KCNMA1: variants seen among roughly 807,000 people sequenced by gnomAD.
KCNMA1 encodes the protein potassium calcium-activated channel subfamily M alpha 1.
Under a neutral mutation model 140.0 loss-of-function variants are expected in KCNMA1, and 29 were observed. The ratio of observed to expected loss-of-function variants is 0.21; its 90% CI spans 0.15 to 0.28. The LOEUF (loss-of-function observed/expected upper bound fraction) is 0.28. Ranked by LOEUF, KCNMA1 falls within the 10% of genes least tolerant of loss-of-function variation. KCNMA1 has a pLI of 1.00. For synonymous variants in KCNMA1, 612 were observed against 611.9 expected, an observed-to-expected ratio of 1.00 and a Z score of 0.00; for missense variants, 880 against 1,602.2, an observed-to-expected ratio of 0.55 and a Z score of 7.70.
chr10:77,294,520 T>C (rs2074328387), intron 2 of KCNMA1, among the ~76,000 whole-genome samples: 1 of 152,216 alleles, frequency 6.6e-6, no homozygotes. Context: ...AAAAATGCCA[T>C]TCATAGGAGT....
At position 77,557,821 on chromosome 10, in the gene KCNMA1, T is replaced by C. The variant is rs142104853; in HGVS notation, c.378+79444A>G. 2.2e-3 allele frequency among the ~76,000 whole-genome samples: 331 copies of C among 152,206 alleles called. 2 individuals are homozygous for C. The highest frequency in any genetic ancestry group is 7.7e-3 in the African/African-American group (321 of 41,530). Reference sequence around the variant, plus strand: ...CCCGCCACCATACCTGGCTAATTTTTGTATTTTTAGTAGAGACAGGGTTTC... The same window carrying C: ...CCCGCCACCATACCTGGCTAATTTTCGTATTTTTAGTAGAGACAGGGTTTC... On this transcript the variant is annotated intron_variant, in intron 1 of 27. Coordinates refer to ENST00000286628, the MANE Select transcript of KCNMA1 (RefSeq NM_001161352.2).
rs28430669 is a variant in KCNMA1, at chr10:77,600,780, T to C, written c.378+36485A>G. On this transcript the variant is annotated intron_variant, in intron 1 of 27. Coordinates refer to ENST00000286628, the MANE Select transcript of KCNMA1 (RefSeq NM_001161352.2). Reference sequence around the variant, plus strand: ...ACACACACACACATGCACACACACATATGCGCACATGCACACACACACATA... The same window carrying C: ...ACACACACACACATGCACACACACACATGCGCACATGCACACACACACATA... 1.8e-3 allele frequency among the ~76,000 whole-genome samples: 264 copies of C among 150,194 alleles called. 5 individuals carry two copies. The East Asian group carries it at 0.041, about 23-fold the overall frequency.
At chr10:76,877,711 T>A (rs2151423102), downstream of KCNMA1, 3 of 1,546,978 alleles carry the variant, frequency 1.9e-6, no homozygotes, top group East Asian at 7.4e-5. Context: ...TGTCAGGCTT[T>A]AAAAAAATAG....
intron 5 of KCNMA1, among the ~76,000 whole-genome samples, chr10:77,176,793 G>A (rs934775777): frequency 1.3e-5 from 2 of 152,168 alleles, no homozygotes; most frequent in African/African-American, 4.8e-5. Flanking sequence ...CCTCAAAGAT[G>A]TCTGTGTTAA....
chr10:77,620,577 C>A (rs2091059883), intron 1 of KCNMA1, among the ~76,000 whole-genome samples: 1 of 152,160 alleles, frequency 6.6e-6, no homozygotes, highest in African/African-American at 2.4e-5. Flanking sequence ...ATGTCAGGAG[C>A]TGCACAGTGA....
At chr10:77,485,536 G>C (rs2098450422) in intron 1 of KCNMA1, among the ~76,000 whole-genome samples, 1 of 152,230 alleles carries the variant, frequency 6.6e-6, no homozygotes, top group Non-Finnish European at 1.5e-5. Context: ...GACCCTCCAA[G>C]ACTTGCCCAG....
chr10:77,412,985 G>C (rs777592701), intron 1 of KCNMA1, among the ~76,000 whole-genome samples: 26 of 152,038 alleles, frequency 1.7e-4, no homozygotes, highest in Non-Finnish European at 2.9e-4. Context: ...AGCCTCCCTA[G>C]TAGCTGGGAT....
chr10:77,413,417 C>G (rs535823568), intron 1 of KCNMA1, among the ~76,000 whole-genome samples: 2 of 152,072 alleles, frequency 1.3e-5, no homozygotes, highest in African/African-American at 4.8e-5. Context: ...ACCTCCTGGG[C>G]GGGTTTCCCA....
intron 7 of KCNMA1, 28 bp downstream of exon 7, chr10:77,112,339 G>C: frequency 6.4e-7 from 1 of 1,551,266 alleles, no homozygotes; most frequent in South Asian, 1.1e-5. Context: ...AGGCAAGCGA[G>C]AGCAGAAGGG....
intron 1 of KCNMA1, among the ~76,000 whole-genome samples, chr10:77,571,685 G>C (rs550747928): frequency 6.6e-6 from 1 of 152,116 alleles, no homozygotes; most frequent in Non-Finnish European, 1.5e-5. Flanking sequence ...ACCTGGCAAG[G>C]GTCCCAGGTC....
At chr10:77,533,594 C>T (rs2058204593) in intron 1 of KCNMA1, among the ~76,000 whole-genome samples, 1 of 152,124 alleles carries the variant, frequency 6.6e-6, no homozygotes, top group Non-Finnish European at 1.5e-5. Context: ...GATTTGTGTG[C>T]CAGGCTCTGC....
At chr10:77,524,000 C>T (rs1162998960) in intron 1 of KCNMA1, among the ~76,000 whole-genome samples, 2 of 152,176 alleles carry the variant, frequency 1.3e-5, no homozygotes, top group Admixed American at 1.3e-4. Flanking sequence ...TGAATATTCA[C>T]TCTCCATGAT....
chr10:76,884,890 T>G lies in KCNMA1; in HGVS notation c.*2376A>C. The stretch of plus-strand genomic sequence containing the variant: ...CCAATAACAGAATAAAATTTGTAAC[T>G]CCTTTTTTTTTAATTTCACAAAAGT... On this transcript the variant is annotated 3_prime_UTR_variant, in exon 28 of 28. Coordinates refer to ENST00000286628, the MANE Select transcript of KCNMA1 (RefSeq NM_001161352.2). 7.1e-7 allele frequency: 1 copy of G among 1,410,346 alleles called. No homozygotes were observed. Among genetic ancestry groups the G allele is most frequent in the Non-Finnish European group, 9.3e-7 (1 of 1,076,710 alleles). The allele number at this position is 1,410,346 out of a possible 1,614,324, so 87.4% of individuals were successfully genotyped here. A position where few individuals can be genotyped will look rare whatever the true frequency, so the allele number is the denominator to read the frequency against.
At position 77,378,437 on chromosome 10, in the gene KCNMA1, C is replaced by G. The variant is rs187429239; in HGVS notation, c.540+25425G>C. Among the ~76,000 whole-genome samples the G allele has an allele frequency of 2.6e-5, 4 of 152,326 alleles. No homozygotes were observed. The South Asian group carries it at 6.2e-4, about 24-fold the overall frequency. On this transcript the variant is annotated intron_variant, in intron 2 of 27. Coordinates refer to ENST00000286628, the MANE Select transcript of KCNMA1 (RefSeq NM_001161352.2). ...TCTTGCCAGGGTGAGGGCCACCAAG[C>G]GGGTTAGCTCACTCTGCCACATTCT...
intron 20 of KCNMA1, among the ~76,000 whole-genome samples, chr10:76,969,300 G>GGGAAGGAAGGAAGGGAGGAAAGAA (rs58490256): frequency 1.0e-4 from 11 of 109,362 alleles, no homozygotes; most frequent in African/African-American, 3.8e-4. Context: ...GAAGGAAGGA[G>GGGAAGGAAGGAAGGGAGGAAAGAA]GGAAGGAAGG....
At chr10:77,077,185 G>A (rs2096425520) in intron 13 of KCNMA1, among the ~76,000 whole-genome samples, 2 of 152,210 alleles carry the variant, frequency 1.3e-5, no homozygotes. Context: ...ACAATGATGA[G>A]TGGACGTTTT....
At position 77,637,322 on chromosome 10, in the gene KCNMA1, G is replaced by A. The variant is rs1019009470; in HGVS notation, c.321C>T (p.Leu107=). 5 of 1,613,774 alleles carry A rather than the reference G, an allele frequency of 3.1e-6. No individual in the cohort carries two copies. In the African/African-American group the frequency reaches 6.7e-5, roughly 22 times the overall value. ...TCCACAGGTACTTGAGCGTCCGCCA[G>A]AGCAAGATGATGAAGAGGCCCCCGA... ...TFFGGLFIIL[L]WRTLKYLWTV... The change falls in exon 1 of 28, where the codon CTC becomes CTT. Residue 107 remains leucine, a synonymous_variant. Coordinates refer to ENST00000286628, the MANE Select transcript of KCNMA1 (RefSeq NM_001161352.2).
chr10:77,071,612 G>A (rs1361484361), intron 14 of KCNMA1: 3 of 152,158 alleles, frequency 2.0e-5, no homozygotes, highest in Non-Finnish European at 4.4e-5. Context: ...TTCCACCCAT[G>A]CAGGATGAGA....
chr10:77,390,907 G>C (rs1425984812), intron 2 of KCNMA1, among the ~76,000 whole-genome samples: 1 of 152,136 alleles, frequency 6.6e-6, no homozygotes, highest in East Asian at 1.9e-4. Flanking sequence ...TCTGAGGGAA[G>C]GTGGTGTGGG....
Sources: gnomAD v4.1 joint callset for allele counts (sites outside exome capture counted in the v4.1 genomes callset) on GRCh38, gnomAD v4.1.1 for gene constraint, MANE v1.5 for transcripts, NCBI Gene and HGNC (gene_info 2026-07-23, HGNC 2026-07-21) for gene names.